The following TPST1 variants were observed in gnomAD, a reference collection of about 807,000 sequenced individuals.
The protein encoded by TPST1 is protein-tyrosine sulfotransferase 1.
TPST1 carries 20 observed loss-of-function variants against 34.8 expected under a neutral mutation model. That is an observed-to-expected ratio of 0.57 (90% CI 0.40 to 0.84). The LOEUF (loss-of-function observed/expected upper bound fraction) is 0.84, where lower values mean the gene tolerates loss of function less well. Among genes scored for constraint, TPST1 ranks in the 40% least tolerant of loss-of-function variants. TPST1 has a pLI of 0.00. For missense variants in TPST1, 353 were observed against 455.5 expected, an observed-to-expected ratio of 0.78 and a Z score of 2.05; for synonymous variants, 152 against 159.4, an observed-to-expected ratio of 0.95 and a Z score of 0.35.
intron 3 of TPST1, among the ~76,000 whole-genome samples, chr7:66,320,919 T>C (rs2116196703): frequency 6.6e-6 from 1 of 152,326 alleles, no homozygotes; most frequent in East Asian, 1.9e-4. Flanking sequence ...TGTTATTTAA[T>C]ATTATGCTAT....
intron 3 of TPST1, among the ~76,000 whole-genome samples, chr7:66,314,277 A>G (rs1791590367): frequency 6.6e-6 from 1 of 152,222 alleles, no homozygotes. Context: ...GCTCATGCCT[A>G]TGATCCCAAC....
rs568266163 is a variant in TPST1, at chr7:66,336,202, C to T, written c.1045-16303C>T. ...GTGGGCACCTGTAGTCCCAGCTACT[C>T]GGGAGGCTGAGGCAGGAGAATGGTG... On this transcript the variant is annotated intron_variant, in intron 3 of 5. Transcript: ENST00000304842. Among the ~76,000 whole-genome samples, 16 of 151,848 alleles carry T rather than the reference C, an allele frequency of 1.1e-4. No individual in the cohort carries two copies. In the South Asian group the frequency reaches 1.5e-3, roughly 14 times the overall value.
intron 4 of TPST1, among the ~76,000 whole-genome samples, chr7:66,355,187 T>C (rs1272555016): frequency 6.6e-6 from 1 of 151,982 alleles, no homozygotes; most frequent in African/African-American, 2.4e-5. Flanking sequence ...AAAGGACTTA[T>C]CTGGAGCCGA....
intron 4 of TPST1, among the ~76,000 whole-genome samples, chr7:66,354,947 C>G (rs1792554465): frequency 6.6e-6 from 1 of 150,852 alleles, no homozygotes; most frequent in African/African-American, 2.4e-5. Context: ...GAGCCGAGAT[C>G]ACACCACTGC....
intron 3 of TPST1, among the ~76,000 whole-genome samples, chr7:66,296,394 T>C (rs1047516990): frequency 4.6e-5 from 7 of 152,074 alleles, no homozygotes; most frequent in Admixed American, 4.6e-4. Context: ...TGAGGGTAGG[T>C]TTCATAAGAC....
At chr7:66,272,701 C>T (rs191236794) in intron 2 of TPST1, among the ~76,000 whole-genome samples, 1 of 152,106 alleles carries the variant, frequency 6.6e-6, no homozygotes, top group African/African-American at 2.4e-5. Context: ...ATCCTTCCAC[C>T]TCAGCCTCCC....
chr7:66,235,766 A>G (rs1789900135), intron 1 of TPST1, among the ~76,000 whole-genome samples: 1 of 152,182 alleles, frequency 6.6e-6, no homozygotes, highest in African/African-American at 2.4e-5. Context: ...CATTTTAGGG[A>G]GACATGAGAC....
intron 3 of TPST1, among the ~76,000 whole-genome samples, chr7:66,328,898 ATATATATATTT>A (rs1327203442): frequency 4.1e-5 from 2 of 49,064 alleles, no homozygotes; most frequent in Non-Finnish European, 7.1e-5. Context: ...ATATATATAT[ATATATATATTT>A]TTTTTTTTTT....
In TPST1 at chr7:66,351,253, G is replaced by T. The variant is rs538845998; in HGVS notation, c.1045-1252G>T. 5.9e-5 allele frequency among the ~76,000 whole-genome samples: 9 copies of T among 152,308 alleles called. No individual in the cohort carries two copies. The East Asian group carries it at 1.7e-3, about 29-fold the overall frequency. On this transcript the variant is annotated intron_variant, in intron 3 of 5. Transcript: ENST00000304842. ...CTCATCATTATGTTGAGATTCATCTGTGTTGTTGCTAATGTAGCAGAGTTC... is the reference window on the plus strand; with the variant it reads ...CTCATCATTATGTTGAGATTCATCTTTGTTGTTGCTAATGTAGCAGAGTTC...
At chr7:66,257,575 A>G (rs1235851784) in intron 2 of TPST1, among the ~76,000 whole-genome samples, 1 of 152,036 alleles carries the variant, frequency 6.6e-6, no homozygotes, top group Non-Finnish European at 1.5e-5. Flanking sequence ...TTTTCGTGTT[A>G]TACTATTTCT....
chr7:66,270,619 A>G (rs929603654), intron 2 of TPST1, among the ~76,000 whole-genome samples: 3 of 152,178 alleles, frequency 2.0e-5, no homozygotes, highest in African/African-American at 7.2e-5. Flanking sequence ...ACCATACACT[A>G]TTTTTTGAAG....
At chr7:66,312,861 G>T (rs187048828) in intron 3 of TPST1, among the ~76,000 whole-genome samples, 1 of 152,072 alleles carries the variant, frequency 6.6e-6, no homozygotes, top group African/African-American at 2.4e-5. Flanking sequence ...GATTTAACTG[G>T]TGACTAATAG....
intron 5 of TPST1, 94 bp downstream of exon 5, chr7:66,356,965 TC>T: frequency 7.9e-7 from 1 of 1,263,504 alleles, no homozygotes; most frequent in Non-Finnish European, 1.1e-6. Context: ...AGCTCTGGAG[TC>T]CGTCTGCCAG....
In TPST1 at chr7:66,228,114, T is replaced by C. The variant is rs143569665; in HGVS notation, c.-101-12211T>C. Among the ~76,000 whole-genome samples, 43 of 152,330 alleles carry C rather than the reference T, an allele frequency of 2.8e-4. 1 individual carries two copies. The East Asian group carries it at 8.3e-3, about 29-fold the overall frequency. ...ATTTTGCTGGGAATTTGAGGTTTCT[T>C]TTTTTGTTTTTCAAAATTAGTTTTC... On this transcript the variant is annotated intron_variant, in intron 1 of 5. Transcript: ENST00000304842.
At chr7:66,295,091 C>A (rs1791165779) in intron 3 of TPST1, among the ~76,000 whole-genome samples, 1 of 151,938 alleles carries the variant, frequency 6.6e-6, no homozygotes, top group Admixed American at 6.6e-5. Flanking sequence ...AACATCTTTG[C>A]AGATACTCAA....
At chr7:66,230,726 G>T (rs538019274) in intron 1 of TPST1, among the ~76,000 whole-genome samples, 1 of 152,272 alleles carries the variant, frequency 6.6e-6, no homozygotes, top group African/African-American at 2.4e-5. Context: ...TCCACAGTGT[G>T]GAAGGGGACC....
chr7:66,355,441 C>G (rs549006326), intron 4 of TPST1, among the ~76,000 whole-genome samples: 14 of 151,104 alleles, frequency 9.3e-5, no homozygotes, highest in African/African-American at 3.2e-4. Context: ...TGCCACTGCA[C>G]TCCAGCCTGG....
At chr7:66,298,896 G>T (rs779313135) in intron 3 of TPST1, among the ~76,000 whole-genome samples, 10 of 152,044 alleles carry the variant, frequency 6.6e-5, no homozygotes, top group Non-Finnish European at 8.8e-5. Context: ...GGCTGAGGCA[G>T]GTGGATCACA....
intron 2 of TPST1, among the ~76,000 whole-genome samples, chr7:66,244,162 C>T (rs1790100178): frequency 6.6e-6 from 1 of 151,772 alleles, no homozygotes; most frequent in African/African-American, 2.4e-5. Context: ...GCCATGTTAG[C>T]CAGGATGGTC....
Sources: gnomAD v4.1 joint callset for allele counts (sites outside exome capture counted in the v4.1 genomes callset) on GRCh38, gnomAD v4.1.1 for gene constraint, MANE v1.5 for transcripts, NCBI Gene and HGNC (gene_info 2026-07-23, HGNC 2026-07-21) for gene names.